The following DST variants were observed in gnomAD, a reference collection of about 807,000 sequenced individuals.
The protein encoded by DST is dystonin, also known as bullous pemphigoid antigen.
A neutral mutation model predicts 875.2 loss-of-function variants in DST; 253 were observed. That is an observed-to-expected ratio of 0.29 (90% CI 0.26 to 0.32). DST has a LOEUF of 0.32. Among genes scored for constraint, DST ranks in the 10% least tolerant of loss-of-function variants. The probability of loss-of-function intolerance (pLI) is 1.00; values close to 1 mark genes in which losing one functional copy is unlikely to be tolerated. For synonymous variants in DST, 3,124 were observed against 3,197.1 expected (o/e 0.98, Z 0.77); for missense variants, 8,287 against 9,111.6 (o/e 0.91, Z 3.68).
intron 44 of DST, among the ~76,000 whole-genome samples, chr6:56,600,678 G>A (rs2098438226): frequency 6.6e-6 from 1 of 152,042 alleles, no homozygotes; most frequent in South Asian, 2.1e-4. Flanking sequence ...AACATTGCAT[G>A]CAATATTTTT....
chr6:56,561,140 T>TATTATCAATCTTTATAGAAAGGCAC (rs2097530936), intron 57 of DST, among the ~76,000 whole-genome samples, 168 bp downstream of exon 57: 1 of 152,186 alleles, frequency 6.6e-6, no homozygotes, highest in Non-Finnish European at 1.5e-5. Flanking sequence ...AAGTAACTAT[T>TATTATCAATCTTTATAGAAAGGCAC]ATTATCAATC....
At position 56,777,506 on chromosome 6, in the gene DST, C is replaced by G. The variant is rs972097025; in HGVS notation, c.626-42217G>C. The stretch of plus-strand genomic sequence containing the variant: ...CTGTAAAACTTACAGCATGATGGAA[C>G]AGGCTAAATCACAGATAGCTTGCTC... On this transcript the variant is annotated intron_variant, in intron 4 of 103. Transcript: ENST00000680361. Among the ~76,000 whole-genome samples, 67 of 152,014 alleles carry G rather than the reference C, an allele frequency of 4.4e-4. 1 individual carries two copies. Among genetic ancestry groups the G allele is most frequent in the African/African-American group, 1.6e-3 (66 of 41,318 alleles).
rs996888275 is a variant in DST at position 56,458,729 on chromosome 6, G to A, written c.*276C>T. 7.3e-6 allele frequency: 2 copies of A among 272,852 alleles called. No homozygotes were observed. The highest frequency in any genetic ancestry group is 2.0e-4 in the South Asian group (2 of 10,144). The allele number at this position is 272,852 out of a possible 1,614,324, so 16.9% of individuals were successfully genotyped here. On this transcript the variant is annotated 3_prime_UTR_variant, in exon 104 of 104. Transcript: ENST00000680361. The stretch of plus-strand genomic sequence containing the variant: ...GGATGTAGACTTACCTGTAGGTACA[G>A]TAACTGAGTTTAGTGTGTGCCCGGC...
At chr6:56,724,902 G>A (rs2099442588) in intron 5 of DST, among the ~76,000 whole-genome samples, 1 of 152,124 alleles carries the variant, frequency 6.6e-6, no homozygotes, top group Non-Finnish European at 1.5e-5. Flanking sequence ...GAAGACAGGC[G>A]GACAAATCTG....
rs1401981696 is a variant in DST at position 56,492,986 on chromosome 6, G to C, written c.20498C>G (p.Ser6833Cys). 1 of 1,612,666 alleles carries C rather than the reference G, an allele frequency of 6.2e-7. No individual in the cohort carries two copies. Among genetic ancestry groups the C allele is most frequent in the Non-Finnish European group, 8.5e-7 (1 of 1,179,314 alleles). ...TQAEQTLNVA[S>C]RPSLILDTVL... ...TGTGTCCAAGATGAGACTTGGCCGAGAAGCTACATTTAGGGTCTGTTCAGC... is the reference window on the plus strand; with the variant it reads ...TGTGTCCAAGATGAGACTTGGCCGACAAGCTACATTTAGGGTCTGTTCAGC... The change falls in exon 84 of 104, where the codon TCT (serine) becomes TGT (cysteine). Residue 6833 changes from serine to cysteine, a missense_variant. This residue lies in a region of DST where 1,292 missense variants were observed against 1,552.7 expected (regional missense o/e 0.83). Coordinates refer to ENST00000680361, the MANE Select transcript of DST (RefSeq NM_001374736.1).
chr6:56,765,111 A>C (rs2099630088), intron 4 of DST, among the ~76,000 whole-genome samples: 1 of 152,182 alleles, frequency 6.6e-6, no homozygotes, highest in Non-Finnish European at 1.5e-5. Flanking sequence ...CAGTGGTTCC[A>C]GTTTCTTATC....
At chr6:56,670,477 G>C in intron 10 of DST, 164 bp downstream of exon 10, 1 of 524,190 alleles carries the variant, frequency 1.9e-6, no homozygotes, top group Non-Finnish European at 3.1e-6. Flanking sequence ...GGGATTACAG[G>C]CATGGGCCAC....
chr6:56,470,963 C>A, intron 95 of DST, 143 bp downstream of exon 95: 4 of 842,446 alleles, frequency 4.7e-6, no homozygotes, highest in Non-Finnish European at 7.2e-6. Context: ...ACCAAAAAAA[C>A]ATTTTTTTAA....
chr6:56,592,264 C>G lies in DST; in HGVS notation c.12821G>C (p.Cys4274Ser). Residue 4274 changes from cysteine to serine, a missense_variant, in exon 49 of 104, where the codon TGT becomes TCT. This residue lies in a region of DST where 1,513 missense variants were observed against 1,677.8 expected (regional missense o/e 0.90). Coordinates refer to ENST00000680361, the MANE Select transcript of DST (RefSeq NM_001374736.1). Reference protein sequence around the residue: ...SCGLLAGLQACEATASKHLSE... With the variant: ...SCGLLAGLQASEATASKHLSE... ...TAAGTGTTTGCTCGCTGTGGCCTCA[C>G]AGGCCTGGAGTCCAGCAAGAAGTCC... is the stretch of plus-strand genomic sequence containing the variant. 1 of 1,612,968 alleles carries G rather than the reference C, an allele frequency of 6.2e-7. No individual in the cohort carries two copies.
chr6:56,783,553 CT>C (rs557824170), intron 4 of DST, among the ~76,000 whole-genome samples: 1 of 151,940 alleles, frequency 6.6e-6, no homozygotes, highest in South Asian at 2.1e-4. Flanking sequence ...CAGCCCCTGC[CT>C]TTTTTTGTTT....
Position 56,606,589 on chromosome 6 carries a change from C to T in DST, c.8039G>A (p.Ser2680Asn), listed in dbSNP as rs1586438120. 1 of 1,613,562 alleles carries T rather than the reference C, an allele frequency of 6.2e-7. No homozygotes were observed. The highest frequency in any genetic ancestry group is 8.5e-7 in the Non-Finnish European group (1 of 1,179,594). ...AAGACAATGTGCTTTGTTCTTCACA[C>T]TTAAGCTACCAACTGGTGCCCCCTG... Reference protein sequence around the residue: ...VPQGAPVGSLSVKNKAHCLQD... With the variant: ...VPQGAPVGSLNVKNKAHCLQD... Residue 2680 changes from serine (S) to asparagine (N), a missense_variant, in exon 40 of 104, where the codon AGT (serine) becomes AAT (asparagine). Physicochemically the swap from Ser to Asn is conservative, Grantham distance 46. This residue lies in a region of DST where 3,138 missense variants were observed against 3,116.6 expected (regional missense o/e 1.01). Transcript: ENST00000680361.
intron 61 of DST, chr6:56,541,086 T>C (rs1267848258): frequency 6.6e-6 from 1 of 152,630 alleles, no homozygotes; most frequent in Non-Finnish European, 1.5e-5. Flanking sequence ...GCATCTGACA[T>C]ATCAGCAGGT....
rs753447955 is a variant in DST, at chr6:56,605,499, T to C, written c.9129A>G (p.Leu3043=). Residue 3043 remains leucine (L), a synonymous_variant, in exon 40 of 104, where the codon CTA becomes CTG. Transcript: ENST00000680361. ...IKGRDGKSDI[L]IEDETSIQKM... ...TCTGAATTGATGTTTCATCTTCTAT[T>C]AGAATATCACTTTTGCCATCTCTCC... 47 of 1,613,012 alleles carry C rather than the reference T, an allele frequency of 2.9e-5. 1 individual carries two copies. In the South Asian group the frequency reaches 4.5e-4, roughly 15 times the overall value.
At position 56,605,731 on chromosome 6, in the gene DST, C is replaced by T. The variant is rs1163294890; in HGVS notation, c.8897G>A (p.Gly2966Glu). ...ATCAGTCAATTCTGGCAATTCTGAC[C>T]CTTGAATCAACTTAACCTTTGTGTT... Reference protein sequence around the residue: ...LANTKVKLIQGSELPELTDSV... With the variant: ...LANTKVKLIQESELPELTDSV... The change falls in exon 40 of 104, where the codon GGG (glycine) becomes GAG (glutamate). Residue 2966 changes from glycine to glutamate, a missense_variant. Gly to Glu is a moderately conservative substitution (Grantham distance 98). Transcript: ENST00000680361. 2 of 1,612,732 alleles carry T rather than the reference C, an allele frequency of 1.2e-6. No individual in the cohort carries two copies. The highest frequency in any genetic ancestry group is 2.2e-5 in the South Asian group (2 of 91,046).
At chr6:56,554,579 C>T (rs16887974) in intron 60 of DST, among the ~76,000 whole-genome samples, 45,254 of 151,936 alleles carry the variant, frequency 0.3, 6,995 homozygotes, top group Middle Eastern at 0.41. Flanking sequence ...ACATGTAAAG[C>T]TTTTAGTTTA....
At chr6:56,834,806 T>A (rs1241177041) in intron 4 of DST, among the ~76,000 whole-genome samples, 1 of 152,128 alleles carries the variant, frequency 6.6e-6, no homozygotes, top group Non-Finnish European at 1.5e-5. Context: ...TAGACAAGTT[T>A]CTCACAAAGC....
At chr6:56,776,802 T>G (rs999523788) in intron 4 of DST, among the ~76,000 whole-genome samples, 1 of 152,206 alleles carries the variant, frequency 6.6e-6, no homozygotes, top group Non-Finnish European at 1.5e-5. Context: ...TTTTAAAAAC[T>G]TACTGGCACT....
chr6:56,728,003 T>A (rs978090043), intron 5 of DST, among the ~76,000 whole-genome samples: 1 of 152,172 alleles, frequency 6.6e-6, no homozygotes, highest in Non-Finnish European at 1.5e-5. Flanking sequence ...ATGTATCTAG[T>A]GCAGGGTCAA....
Position 56,605,951 on chromosome 6 carries a change from T to C in DST, c.8677A>G (p.Ser2893Gly), listed in dbSNP as rs1372719049. 1 of 1,612,624 alleles carries C rather than the reference T, an allele frequency of 6.2e-7. No homozygotes were observed. The highest frequency in any genetic ancestry group is 8.5e-7 in the Non-Finnish European group (1 of 1,179,360). Residue 2893 changes from serine to glycine, a missense_variant, in exon 40 of 104, where the codon AGC (serine) becomes GGC (glycine). Physicochemically the swap from Ser to Gly is moderately conservative, Grantham distance 56. Coordinates refer to ENST00000680361, the MANE Select transcript of DST (RefSeq NM_001374736.1). ...PSENNLVTEK[S>G]NLPEYTTEIA... is the part of the protein sequence containing the mutation. ...TCAGTTGTATATTCTGGAAGGTTGC[T>C]TTTTTCAGTAACTAAGTTATTTTCA... is the stretch of plus-strand genomic sequence containing the variant.
Sources: gnomAD v4.1 joint callset for allele counts (sites outside exome capture counted in the v4.1 genomes callset) on GRCh38, gnomAD v4.1.1 for gene constraint, gnomAD v4.1.1 regional missense constraint, MANE v1.5 for transcripts, NCBI Gene and HGNC (gene_info 2026-07-23, HGNC 2026-07-21) for gene names.